Variants in PEX5L observed in about 807,000 individuals in gnomAD.
The protein encoded by PEX5L is PEX5-related protein.
Under a neutral mutation model 84.0 loss-of-function variants are expected in PEX5L, and 30 were observed. The observed-to-expected ratio is 0.36, with a 90% CI of 0.27 to 0.48. The LOEUF (loss-of-function observed/expected upper bound fraction) is 0.48, where lower values mean the gene tolerates loss of function less well. Among genes scored for constraint, PEX5L ranks in the 20% least tolerant of loss-of-function variants. PEX5L has a pLI of 0.99. For missense variants in PEX5L, 533 were observed against 754.6 expected (o/e 0.71, Z 3.44); for synonymous variants, 270 against 283.1 (o/e 0.95, Z 0.46).
chr3:179,966,956 C>G (rs777736094), intron 2 of PEX5L, among the ~76,000 whole-genome samples: 11 of 152,186 alleles, frequency 7.2e-5, no homozygotes, highest in Non-Finnish European at 1.2e-4. Context: ...GTCTTCATAA[C>G]TACTTTTAGC....
chr3:180,005,354 G>A (rs187790104), intron 1 of PEX5L, among the ~76,000 whole-genome samples: 105 of 152,206 alleles, frequency 6.9e-4, no homozygotes, highest in Non-Finnish European at 1.3e-3. Context: ...TCAAAATCCT[G>A]TGCTCAAGGG....
chr3:179,933,930 C>A (rs374322048), intron 2 of PEX5L, among the ~76,000 whole-genome samples: 1 of 152,028 alleles, frequency 6.6e-6, no homozygotes, highest in Non-Finnish European at 1.5e-5. Flanking sequence ...GAATTGTGAC[C>A]CACTCTGACA....
intron 2 of PEX5L, among the ~76,000 whole-genome samples, chr3:179,961,418 A>G (rs1003165547): frequency 6.6e-6 from 1 of 152,110 alleles, no homozygotes; most frequent in Non-Finnish European, 1.5e-5. Context: ...TTATATATGC[A>G]GTGTCAGAAT....
intron 1 of PEX5L, among the ~76,000 whole-genome samples, chr3:179,971,985 T>C (rs1784879241): frequency 6.6e-6 from 1 of 152,204 alleles, no homozygotes. Flanking sequence ...TAAGCAATTC[T>C]TTGAAGAGCC....
At chr3:179,933,706 A>G (rs1773763093) in intron 2 of PEX5L, among the ~76,000 whole-genome samples, 1 of 152,204 alleles carries the variant, frequency 6.6e-6, no homozygotes, top group Non-Finnish European at 1.5e-5. Flanking sequence ...GGAGAGAGGC[A>G]GGAGCTCCAT....
chr3:180,009,880 A>T (rs1789269660), intron 1 of PEX5L, among the ~76,000 whole-genome samples: 1 of 152,064 alleles, frequency 6.6e-6, no homozygotes, highest in African/African-American at 2.4e-5. Flanking sequence ...GGTTCTCCAT[A>T]TTGGGTGATT....
chr3:179,827,994 T>C (rs770594489), intron 8 of PEX5L, among the ~76,000 whole-genome samples: 1 of 152,130 alleles, frequency 6.6e-6, no homozygotes, highest in Non-Finnish European at 1.5e-5. Context: ...TCTCTTGATA[T>C]CTGATTGCCT....
chr3:179,813,664 ATTTT>A (rs35351586), intron 10 of PEX5L, among the ~76,000 whole-genome samples: 3 of 96,410 alleles, frequency 3.1e-5, no homozygotes, highest in South Asian at 3.6e-4. Flanking sequence ...CACTCAACTA[ATTTT>A]TTTTTTTTTT....
At chr3:180,014,394 C>T (rs1168148832) in intron 1 of PEX5L, among the ~76,000 whole-genome samples, 24 of 152,004 alleles carry the variant, frequency 1.6e-4, no homozygotes, top group Admixed American at 1.6e-3. Context: ...ATGGCGTGAA[C>T]CCGGGAGGCG....
chr3:179,990,654 C>T (rs749511825), intron 1 of PEX5L, among the ~76,000 whole-genome samples: 2 of 152,158 alleles, frequency 1.3e-5, no homozygotes, highest in Non-Finnish European at 2.9e-5. Context: ...CCTCCCACCC[C>T]TGCCTCCCCA....
intron 8 of PEX5L, among the ~76,000 whole-genome samples, chr3:179,837,141 T>C (rs560712190): frequency 6.6e-6 from 1 of 152,286 alleles, no homozygotes; most frequent in East Asian, 1.9e-4. Context: ...TCTTTCAATA[T>C]CTGGCTATAA....
At chr3:179,879,197 C>G (rs1485046925) in intron 5 of PEX5L, among the ~76,000 whole-genome samples, 1 of 152,224 alleles carries the variant, frequency 6.6e-6, no homozygotes, top group Non-Finnish European at 1.5e-5. Flanking sequence ...ATACCTGTCA[C>G]TGTTCTTTCT....
At chr3:179,866,045 T>C (rs577675673) in intron 7 of PEX5L, among the ~76,000 whole-genome samples, 6 of 152,300 alleles carry the variant, frequency 3.9e-5, no homozygotes, top group Non-Finnish European at 8.8e-5. Flanking sequence ...TTTAACTTAA[T>C]TGGATTGTAG....
At chr3:179,977,382 T>A (rs1448394978) in intron 1 of PEX5L, among the ~76,000 whole-genome samples, 1 of 152,198 alleles carries the variant, frequency 6.6e-6, no homozygotes, top group Admixed American at 6.5e-5. Flanking sequence ...GTAAGCCTGG[T>A]AAATGGTGAA....
At chr3:179,999,052 C>T (rs1470747344) in intron 1 of PEX5L, among the ~76,000 whole-genome samples, 1 of 152,186 alleles carries the variant, frequency 6.6e-6, no homozygotes, top group Non-Finnish European at 1.5e-5. Flanking sequence ...AGCAATGCAC[C>T]TGGTTGTGCA....
intron 2 of PEX5L, among the ~76,000 whole-genome samples, chr3:179,941,978 G>T (rs1308720303): frequency 7.9e-6 from 1 of 126,120 alleles, no homozygotes. Flanking sequence ...CCCAGATCGC[G>T]CCACTGCACT....
intron 13 of PEX5L, 68 bp downstream of exon 13, chr3:179,808,204 G>T (rs367671031): frequency 3.0e-5 from 38 of 1,275,896 alleles, no homozygotes; most frequent in Non-Finnish European, 4.1e-5. Flanking sequence ...AATGTAGACG[G>T]TGTAGCCTGT....
chr3:179,923,543 G>A (rs1485306041), intron 2 of PEX5L, among the ~76,000 whole-genome samples: 3 of 152,110 alleles, frequency 2.0e-5, no homozygotes, highest in Non-Finnish European at 4.4e-5. Context: ...AGAAACTAGG[G>A]GTGAAGCTAT....
At chr3:179,809,764 G>T in intron 11 of PEX5L, 96 bp from the exon 12 acceptor site, 1 of 807,814 alleles carries the variant, frequency 1.2e-6, no homozygotes, top group African/African-American at 1.7e-5. Context: ...ACTAAATACT[G>T]CAAAAGCATT....
Sources: gnomAD v4.1 joint callset for allele counts (sites outside exome capture counted in the v4.1 genomes callset) on GRCh38, gnomAD v4.1.1 for gene constraint, MANE v1.5 for transcripts, NCBI Gene and HGNC (gene_info 2026-07-23, HGNC 2026-07-21) for gene names.